Variants in FHOD3 observed in about 807,000 individuals in gnomAD.
FHOD3 encodes the protein formin homology 2 domain containing 3.
A neutral mutation model predicts 173.0 loss-of-function variants in FHOD3; 90 were observed. That is an observed-to-expected ratio of 0.52 (90% confidence interval 0.44 to 0.62). FHOD3 has a LOEUF of 0.62. Ranked by LOEUF, FHOD3 falls within the 20% of genes least tolerant of loss-of-function variation. The probability of loss-of-function intolerance (pLI) is 0.00; values close to 1 mark genes in which losing one functional copy is unlikely to be tolerated. For synonymous variants in FHOD3, 828 were observed against 823.0 expected (o/e 1.01, Z -0.10); for missense variants, 1,945 against 2,034.7 (o/e 0.96, Z 0.85).
At chr18:36,380,072 A>G (rs934091174) in intron 3 of FHOD3, among the ~76,000 whole-genome samples, 3 of 152,198 alleles carry the variant, frequency 2.0e-5, no homozygotes, top group African/African-American at 7.2e-5. Flanking sequence ...AACTCAGAAA[A>G]AAAACATATA....
At chr18:36,603,199 C>A (rs184068907) in intron 8 of FHOD3, among the ~76,000 whole-genome samples, 2 of 152,248 alleles carry the variant, frequency 1.3e-5, no homozygotes, top group Admixed American at 1.3e-4. Context: ...GTGGTACTTT[C>A]TTATAGTAGC....
intron 3 of FHOD3, among the ~76,000 whole-genome samples, chr18:36,447,809 C>A (rs544892479): frequency 6.6e-6 from 1 of 152,274 alleles, no homozygotes; most frequent in East Asian, 1.9e-4. Context: ...GTGTAGCGAC[C>A]TGGAAAAGGG....
Position 36,461,441 on chromosome 18 carries a change from G to GTGT in FHOD3, c.338-40490_338-40489insGTT, listed in dbSNP as rs1555714614. On this transcript the variant is annotated intron_variant, in intron 3 of 28. Transcript: ENST00000590592. ...GGGAACCCAAATTTGAGCTCAGTCT[G>GTGT]TTTTTTTTTGTGTGTGTGTTTTTTT... Among the ~76,000 whole-genome samples the GTGT allele has an allele frequency of 7.8e-3, 1,139 of 146,158 alleles. 10 individuals are homozygous for GTGT. The highest frequency in any genetic ancestry group is 0.028 in the African/African-American group (1,086 of 38,998).
intron 6 of FHOD3, among the ~76,000 whole-genome samples, chr18:36,592,735 G>A (rs1303704921): frequency 1.3e-5 from 2 of 152,314 alleles, no homozygotes; most frequent in South Asian, 2.1e-4. Flanking sequence ...AGTGCTTAGG[G>A]TGGTGGGGCT....
intron 5 of FHOD3, among the ~76,000 whole-genome samples, chr18:36,546,982 G>A (rs1415386882): frequency 6.6e-6 from 1 of 152,206 alleles, no homozygotes; most frequent in Non-Finnish European, 1.5e-5. Flanking sequence ...TTTGGCTTCA[G>A]ACTAGAGCAT....
At chr18:36,385,751 C>T (rs1393158351) in intron 3 of FHOD3, among the ~76,000 whole-genome samples, 1 of 152,146 alleles carries the variant, frequency 6.6e-6, no homozygotes, top group Non-Finnish European at 1.5e-5. Context: ...TTTTGGCAAG[C>T]ACTGAACAGT....
At chr18:36,552,481 C>A (rs1454392060) in intron 5 of FHOD3, among the ~76,000 whole-genome samples, 2 of 151,456 alleles carry the variant, frequency 1.3e-5, no homozygotes, top group African/African-American at 2.4e-5. Context: ...AATTGAATAC[C>A]CTTTATTTCT....
At chr18:36,622,877 A>G (rs1452888964) in intron 9 of FHOD3, among the ~76,000 whole-genome samples, 2 of 152,192 alleles carry the variant, frequency 1.3e-5, no homozygotes, top group African/African-American at 4.8e-5. Flanking sequence ...ATCACTGGAC[A>G]CTGATGACTC....
chr18:36,721,261 C>A lies in FHOD3; in HGVS notation c.3417+2546C>A, dbSNP rs535341206. On this transcript the variant is annotated intron_variant, in intron 19 of 28. Transcript: ENST00000590592. ...TATAATGAGACCCAAAAACCCCTACCTTTGTCTTTGGGATAGGAAATGTGA... is the reference window on the plus strand; with the variant it reads ...TATAATGAGACCCAAAAACCCCTACATTTGTCTTTGGGATAGGAAATGTGA... Among the ~76,000 whole-genome samples, 5 of 152,314 alleles carry A rather than the reference C, an allele frequency of 3.3e-5. No individual in the cohort carries two copies. The South Asian group carries it at 1.0e-3, about 32-fold the overall frequency.
chr18:36,658,115 C>G lies in FHOD3; in HGVS notation c.1762C>G (p.Pro588Ala), dbSNP rs1600117333. 6.2e-7 allele frequency: 1 copy of G among 1,603,782 alleles called. No individual in the cohort carries two copies. Among genetic ancestry groups the G allele is most frequent in the African/African-American group, 1.4e-5 (1 of 73,946 alleles). The change falls in exon 14 of 29, where the codon CCC (proline) becomes GCC (alanine). Residue 588 changes from proline to alanine, a missense_variant. Pro to Ala is a conservative substitution (Grantham distance 27). Coordinates refer to ENST00000590592, the MANE Select transcript of FHOD3 (RefSeq NM_001281740.3). The stretch of plus-strand genomic sequence containing the variant: ...CAATAACTCTTATCACTCCTCAAGA[C>G]CCTCATCTGGATCCAGTGTGCCCAC... ...FGNNSYHSSR[P>A]SSGSSVPTTP...
chr18:36,759,106 C>G lies in FHOD3; in HGVS notation c.4426-12C>G, dbSNP rs187731723. ...TCTTTTCCGTCCTGTCCTGTCCTGT[C>G]CTCTCGGGTAGACTGATGAGGAGGA... On this transcript the variant is annotated splice_polypyrimidine_tract_variant and intron_variant, in intron 25 of 28. Coordinates refer to ENST00000590592, the MANE Select transcript of FHOD3 (RefSeq NM_001281740.3). 6.5e-7 allele frequency: 1 copy of G among 1,535,772 alleles called. No individual in the cohort carries two copies. Among genetic ancestry groups the G allele is most frequent in the Non-Finnish European group, 8.7e-7 (1 of 1,146,724 alleles).
chr18:36,573,106 A>G (rs985977803), intron 5 of FHOD3, among the ~76,000 whole-genome samples: 9 of 151,808 alleles, frequency 5.9e-5, no homozygotes, highest in East Asian at 5.8e-4. Context: ...AATTCTAAAA[A>G]CAAAAGCATG....
chr18:36,561,965 TG>T (rs2058098110), intron 5 of FHOD3, among the ~76,000 whole-genome samples: 1 of 55,174 alleles, frequency 1.8e-5, no homozygotes, highest in Non-Finnish European at 3.8e-5. Context: ...CACTGTGTAT[TG>T]TATTGTATTG....
intron 3 of FHOD3, among the ~76,000 whole-genome samples, chr18:36,413,577 G>A: frequency 6.6e-6 from 1 of 152,192 alleles, no homozygotes; most frequent in East Asian, 1.9e-4. Context: ...TCCCACACCA[G>A]ATCTCTATTT....
At chr18:36,328,385 G>C (rs73949432) in intron 1 of FHOD3, among the ~76,000 whole-genome samples, 13,409 of 152,090 alleles carry the variant, frequency 0.088, 1,969 homozygotes, top group African/African-American at 0.3. Context: ...CAAGTGCAAG[G>C]GTCCTGAGAT....
chr18:36,649,176 G>A (rs1464716150), intron 10 of FHOD3, 140 bp from the exon 11 acceptor site: 2 of 592,672 alleles, frequency 3.4e-6, no homozygotes, highest in Non-Finnish European at 5.7e-6. Flanking sequence ...AGCCAGCTGG[G>A]TGGTTTTTTT....
chr18:36,703,396 G>A (rs2039693025), intron 17 of FHOD3, among the ~76,000 whole-genome samples: 1 of 152,176 alleles, frequency 6.6e-6, no homozygotes, highest in Admixed American at 6.5e-5. Context: ...ACAGAGCATG[G>A]ATCAAACAGT....
chr18:36,428,075 T>G (rs1315561562), intron 3 of FHOD3, among the ~76,000 whole-genome samples: 2 of 152,176 alleles, frequency 1.3e-5, no homozygotes, highest in East Asian at 3.9e-4. Context: ...CTGAGTGAAG[T>G]GTTCTCTGCT....
At chr18:36,689,145 G>A (rs1020904446) in intron 16 of FHOD3, among the ~76,000 whole-genome samples, 5 of 152,176 alleles carry the variant, frequency 3.3e-5, no homozygotes, top group Non-Finnish European at 7.3e-5. Flanking sequence ...GGAGTTAGGG[G>A]AAATATAGAC....
Sources: gnomAD v4.1 joint callset for allele counts (sites outside exome capture counted in the v4.1 genomes callset) on GRCh38, gnomAD v4.1.1 for gene constraint, MANE v1.5 for transcripts, NCBI Gene and HGNC (gene_info 2026-07-23, HGNC 2026-07-21) for gene names.